The following GLI3 variants were observed in gnomAD, a reference collection of about 807,000 sequenced individuals.
GLI3 encodes the protein transcription activator GLI3.
In GLI3, 20 loss-of-function variants were observed where a neutral mutation model predicts 100.8. That is an observed-to-expected ratio of 0.20 (90% CI 0.14 to 0.29). GLI3 has a LOEUF of 0.29. Ranked by LOEUF, GLI3 falls within the 10% of genes least tolerant of loss-of-function variation. GLI3 has a pLI of 1.00. For missense variants in GLI3, 2,040 were observed against 2,128.5 expected (o/e 0.96, Z 0.82); for synonymous variants, 938 against 860.5 (o/e 1.09, Z -1.58).
chr7:42,055,791 T>C (rs1784448738), intron 4 of GLI3, among the ~76,000 whole-genome samples: 1 of 152,326 alleles, frequency 6.6e-6, no homozygotes, highest in African/African-American at 2.4e-5. Flanking sequence ...AAATTTACCA[T>C]TTGGATTTTA....
chr7:42,053,615 T>C (rs961508459), intron 4 of GLI3, among the ~76,000 whole-genome samples: 1 of 152,208 alleles, frequency 6.6e-6, no homozygotes, highest in African/African-American at 2.4e-5. Context: ...TTGATGCACA[T>C]TTTTAGTAGA....
intron 2 of GLI3, among the ~76,000 whole-genome samples, chr7:42,149,680 A>C (rs944573825): frequency 1.3e-5 from 2 of 152,238 alleles, no homozygotes; most frequent in Non-Finnish European, 2.9e-5. Flanking sequence ...AAAAAACTGT[A>C]TTTGGGTATA....
intron 3 of GLI3, among the ~76,000 whole-genome samples, chr7:42,126,304 G>A (rs1786129711): frequency 6.6e-6 from 1 of 152,174 alleles, no homozygotes; most frequent in South Asian, 2.1e-4. Context: ...TGTCACACAA[G>A]TCTGTCTGCA....
At chr7:42,004,688 G>A (rs894887587) in intron 10 of GLI3, among the ~76,000 whole-genome samples, 4 of 152,268 alleles carry the variant, frequency 2.6e-5, no homozygotes, top group African/African-American at 9.6e-5. Context: ...ATGTTGCCAG[G>A]CTGGTCTTGA....
rs142787938 is a variant in GLI3, at chr7:41,975,803, C to T, written c.1812+1755G>A. Reference sequence around the variant, plus strand: ...AACATACCCTCTGTCCAAACTTCTCCATGATAATAGGAGACAGCATTGGCC... The same window carrying T: ...AACATACCCTCTGTCCAAACTTCTCTATGATAATAGGAGACAGCATTGGCC... On this transcript the variant is annotated intron_variant, in intron 12 of 14. Transcript: ENST00000395925. Among the ~76,000 whole-genome samples, 476 of 152,266 alleles carry T rather than the reference C, an allele frequency of 3.1e-3. 1 individual carries two copies. Among genetic ancestry groups the T allele is most frequent in the South Asian group, 0.012 (56 of 4,820 alleles).
At chr7:42,179,939 C>T (rs927430063) in intron 2 of GLI3, among the ~76,000 whole-genome samples, 3 of 152,172 alleles carry the variant, frequency 2.0e-5, no homozygotes, top group Non-Finnish European at 4.4e-5. Flanking sequence ...GCAGCTGATA[C>T]ACAAGTGTGA....
chr7:41,977,413 G>T, intron 12 of GLI3, 145 bp downstream of exon 12: 1 of 807,606 alleles, frequency 1.2e-6, no homozygotes, highest in South Asian at 1.5e-5. Flanking sequence ...GGAAGCTCAA[G>T]CCTTCACCTG....
chr7:42,085,364 G>A (rs991352025), intron 3 of GLI3, among the ~76,000 whole-genome samples: 5 of 152,138 alleles, frequency 3.3e-5, no homozygotes, highest in South Asian at 2.1e-4. Context: ...GCAGAAGCAG[G>A]TAGGGAAATG....
chr7:42,089,889 A>G (rs1167216326), intron 3 of GLI3, among the ~76,000 whole-genome samples: 2 of 152,196 alleles, frequency 1.3e-5, no homozygotes, highest in Non-Finnish European at 2.9e-5. Context: ...GATGCATTCT[A>G]AGAAATATGT....
At chr7:42,082,011 C>A (rs1785006404) in intron 3 of GLI3, among the ~76,000 whole-genome samples, 2 of 151,948 alleles carry the variant, frequency 1.3e-5, no homozygotes, top group South Asian at 4.1e-4. Context: ...AGAGTTAGTC[C>A]AGCCTGTAGG....
At chr7:41,980,168 C>T (rs1318745510) in intron 10 of GLI3, among the ~76,000 whole-genome samples, 1 of 152,132 alleles carries the variant, frequency 6.6e-6, no homozygotes, top group Admixed American at 6.5e-5. Context: ...GCCAATGTCC[C>T]GTCAGTAGCT....
intron 2 of GLI3, among the ~76,000 whole-genome samples, chr7:42,162,121 A>T (rs1390146305): frequency 6.6e-6 from 1 of 152,236 alleles, no homozygotes; most frequent in Non-Finnish European, 1.5e-5. Flanking sequence ...CTACAGGGTT[A>T]ACACAGGGTA....
intron 2 of GLI3, among the ~76,000 whole-genome samples, chr7:42,220,365 G>A (rs1788462536): frequency 6.6e-6 from 1 of 152,146 alleles, no homozygotes; most frequent in Non-Finnish European, 1.5e-5. Context: ...ATAGGAAGAG[G>A]GACAGAGGGA....
chr7:42,158,623 T>C (rs1787059657), intron 2 of GLI3, among the ~76,000 whole-genome samples: 1 of 151,334 alleles, frequency 6.6e-6, no homozygotes, highest in African/African-American at 2.4e-5. Flanking sequence ...CTGAGTAGCA[T>C]GAGAGAGAGA....
chr7:42,130,759 A>G (rs1005773330), intron 3 of GLI3, among the ~76,000 whole-genome samples: 2 of 152,232 alleles, frequency 1.3e-5, no homozygotes, highest in African/African-American at 4.8e-5. Flanking sequence ...ATGAATCTTC[A>G]GATTCAAATG....
intron 3 of GLI3, among the ~76,000 whole-genome samples, chr7:42,113,173 T>C (rs1461721986): frequency 2.0e-5 from 3 of 151,880 alleles, no homozygotes; most frequent in Non-Finnish European, 2.9e-5. Flanking sequence ...CGAGACTCTG[T>C]CTCAAAAATA....
chr7:42,218,346 T>C (rs1377148290), intron 2 of GLI3, among the ~76,000 whole-genome samples: 4 of 151,746 alleles, frequency 2.6e-5, no homozygotes, highest in Non-Finnish European at 5.9e-5. Flanking sequence ...GCAGATAAAT[T>C]TCAAACTTCC....
intron 2 of GLI3, among the ~76,000 whole-genome samples, chr7:42,156,235 T>C (rs1381786992): frequency 6.6e-6 from 1 of 152,202 alleles, no homozygotes; most frequent in African/African-American, 2.4e-5. Context: ...TTTTTCAAGC[T>C]CTTGCCAAGA....
At chr7:42,083,401 T>C (rs781581618) in intron 3 of GLI3, among the ~76,000 whole-genome samples, 6 of 152,366 alleles carry the variant, frequency 3.9e-5, no homozygotes, top group Admixed American at 3.9e-4. Flanking sequence ...AGTACTCCAC[T>C]GTGTATATGT....
Sources: allele counts gnomAD v4.1 joint callset (sites outside exome capture counted in the v4.1 genomes callset), GRCh38; gene constraint gnomAD v4.1.1; transcripts MANE v1.5; gene names NCBI Gene and HGNC (gene_info 2026-07-23, HGNC 2026-07-21).